Variants in USP32 observed in about 807,000 individuals in gnomAD.
USP32 encodes the protein ubiquitin carboxyl-terminal hydrolase 32.
Under a neutral mutation model 204.8 loss-of-function variants are expected in USP32, and 59 were observed. The ratio of observed to expected loss-of-function variants is 0.29; its 90% CI spans 0.23 to 0.36. USP32 has a LOEUF of 0.36. Among genes scored for constraint, USP32 ranks in the 10% least tolerant of loss-of-function variants. The probability of loss-of-function intolerance (pLI) is 1.00; values close to 1 mark genes in which losing one functional copy is unlikely to be tolerated. For missense variants in USP32, 1,160 were observed against 1,946.4 expected (o/e 0.60, Z 7.60); for synonymous variants, 517 against 678.4 (o/e 0.76, Z 3.70).
intron 29 of USP32, among the ~76,000 whole-genome samples, chr17:60,187,763 A>G (rs1224528074): frequency 6.6e-6 from 1 of 152,202 alleles, no homozygotes. Flanking sequence ...TCCCAAAGTG[A>G]TAAAGATTCC....
chr17:60,392,268 G>A (rs2089854904), upstream of USP32: 3 of 325,634 alleles, frequency 9.2e-6, no homozygotes, highest in South Asian at 5.6e-5. Context: ...AGGGTCACGG[G>A]ACCCGAGGCC....
At chr17:60,378,299 T>C (rs1032163180) in intron 1 of USP32, among the ~76,000 whole-genome samples, 4 of 152,120 alleles carry the variant, frequency 2.6e-5, no homozygotes, top group Non-Finnish European at 4.4e-5. Flanking sequence ...ATAACAAGTA[T>C]TGGGTAGATA....
intron 18 of USP32, among the ~76,000 whole-genome samples, chr17:60,212,759 CTT>C (rs4047749): frequency 7.6e-5 from 11 of 144,070 alleles, no homozygotes; most frequent in Non-Finnish European, 3.1e-5. Context: ...TAATTTATTC[CTT>C]TTTTTTTTTT....
chr17:60,207,211 A>C, intron 24 of USP32, 79 bp from the exon 25 acceptor site: 1 of 1,515,064 alleles, frequency 6.6e-7, no homozygotes, highest in Non-Finnish European at 8.8e-7. Flanking sequence ...CATATTTCAA[A>C]AGAATGTCTT....
At chr17:60,206,758 A>G (rs1181126919) in intron 25 of USP32, among the ~76,000 whole-genome samples, 1 of 152,172 alleles carries the variant, frequency 6.6e-6, no homozygotes, top group Admixed American at 6.5e-5. Flanking sequence ...AGCTGTTGCC[A>G]TGTTATATTA....
At chr17:60,265,939 G>T (rs1279517811) in intron 8 of USP32, 37 bp downstream of exon 8, 5 of 1,494,280 alleles carry the variant, frequency 3.3e-6, no homozygotes, top group Non-Finnish European at 4.6e-6. Flanking sequence ...CCCATTGGAA[G>T]TTTATACGCA....
intron 15 of USP32, 126 bp downstream of exon 15, chr17:60,222,283 G>T: frequency 9.1e-7 from 1 of 1,100,730 alleles, no homozygotes; most frequent in Non-Finnish European, 1.3e-6. Context: ...ATCCACACAG[G>T]TTCAGAACAC....
rs1020368065 is a variant in USP32 at position 60,402,397 on chromosome 17, C to G, written c.106+19849G>C. On this transcript the variant is annotated intron_variant, in intron 1 of 3. Transcript: ENST00000588898. ...TCCTGAGTAGCTGGGACCACAGGCA[C>G]ACACCACCACACCTGGCTAATTTGT... Among the ~76,000 whole-genome samples the G allele has an allele frequency of 5.9e-5, 9 of 152,022 alleles. No homozygotes were observed. In the East Asian group the frequency reaches 1.7e-3, roughly 29 times the overall value.
intron 1 of USP32, among the ~76,000 whole-genome samples, chr17:60,362,845 A>C (rs1057413533): frequency 1.3e-5 from 2 of 152,050 alleles, no homozygotes; most frequent in Non-Finnish European, 2.9e-5. Flanking sequence ...GAGAGGAAAA[A>C]AAAAAACAAA....
chr17:60,354,109 T>C (rs1375197356), intron 1 of USP32, among the ~76,000 whole-genome samples: 1 of 152,256 alleles, frequency 6.6e-6, no homozygotes, highest in Non-Finnish European at 1.5e-5. Flanking sequence ...TGAAGTTCAA[T>C]ACTTTATTAT....
At chr17:60,257,733 C>T (rs1006471721) in intron 9 of USP32, among the ~76,000 whole-genome samples, 4 of 151,998 alleles carry the variant, frequency 2.6e-5, no homozygotes, top group Non-Finnish European at 5.9e-5. Context: ...ATCCTCCTAC[C>T]TTGGCCTCCC....
intron 3 of USP32, among the ~76,000 whole-genome samples, chr17:60,295,657 C>G (rs1011318933): frequency 1.3e-5 from 2 of 152,128 alleles, no homozygotes; most frequent in Admixed American, 6.6e-5. Flanking sequence ...GGTTATCAGA[C>G]TTACAGATCA....
At position 60,190,521 on chromosome 17, in the gene USP32, T is replaced by C. The variant is rs60474515; in HGVS notation, c.3642+42A>G. On this transcript the variant is annotated intron_variant, in intron 29 of 33. Transcript: ENST00000300896. The stretch of plus-strand genomic sequence containing the variant: ...TAATAGTTACACTGGTGGAAATTTC[T>C]CATATAAAAACCACCATTTTATGGT... 17,316 of 1,508,188 alleles carry C rather than the reference T, an allele frequency of 0.011. 1,818 individuals carry two copies. The African/African-American group carries it at 0.22, about 19-fold the overall frequency. The allele number at this position is 1,508,188 out of a possible 1,614,324, so 93.4% of individuals were successfully genotyped here.
chr17:60,235,920 A>G (rs556415638), intron 12 of USP32, among the ~76,000 whole-genome samples: 1 of 152,264 alleles, frequency 6.6e-6, no homozygotes, highest in South Asian at 2.1e-4. Flanking sequence ...ATCTTTTTTT[A>G]GGGTTGTTGC....
chr17:60,337,152 A>G (rs965214182), intron 2 of USP32, among the ~76,000 whole-genome samples: 1 of 152,152 alleles, frequency 6.6e-6, no homozygotes, highest in Non-Finnish European at 1.5e-5. Context: ...CTCTCCCTAA[A>G]CCTAGACTAT....
intron 12 of USP32, among the ~76,000 whole-genome samples, chr17:60,231,156 T>G (rs570707875): frequency 2.0e-5 from 3 of 152,238 alleles, no homozygotes; most frequent in Non-Finnish European, 4.4e-5. Context: ...CTGTGAGTTG[T>G]ATAAATAGTT....
chr17:60,417,892 C>T (rs1017276782), intron 1 of USP32, among the ~76,000 whole-genome samples: 1 of 151,786 alleles, frequency 6.6e-6, no homozygotes, highest in Admixed American at 6.6e-5. Flanking sequence ...TGGGTTCAAG[C>T]GATTCTCCTG....
At chr17:60,382,414 G>A (rs932946221) in intron 1 of USP32, among the ~76,000 whole-genome samples, 4 of 152,154 alleles carry the variant, frequency 2.6e-5, no homozygotes. Flanking sequence ...ACCATGCCCA[G>A]CTAACAGTAC....
At chr17:60,376,398 C>T (rs1449725086) in intron 1 of USP32, among the ~76,000 whole-genome samples, 5 of 151,634 alleles carry the variant, frequency 3.3e-5, no homozygotes, top group African/African-American at 9.7e-5. Flanking sequence ...AATGTTTCTT[C>T]GACCTAAGGA....
Sources: allele counts gnomAD v4.1 joint callset (sites outside exome capture counted in the v4.1 genomes callset), GRCh38; gene constraint gnomAD v4.1.1; transcripts MANE v1.5; gene names NCBI Gene and HGNC (gene_info 2026-07-23, HGNC 2026-07-21).